GRIN2B: variants seen among roughly 807,000 people sequenced by gnomAD.
GRIN2B encodes the protein glutamate receptor ionotropic, NMDA 2B.
A neutral mutation model predicts 114.5 loss-of-function variants in GRIN2B; 5 were observed. The observed-to-expected ratio is 0.04, with a 90% CI of 0.02 to 0.09. GRIN2B has a LOEUF of 0.09. GRIN2B is among the 10% of genes least tolerant of loss of function. The probability of loss-of-function intolerance (pLI) is 1.00; values close to 1 mark genes in which losing one functional copy is unlikely to be tolerated. For synonymous variants in GRIN2B, 787 were observed against 745.1 expected (o/e 1.06, Z -0.92); for missense variants, 1,108 against 1,943.5 (o/e 0.57, Z 8.08).
At chr12:13,947,728 G>A (rs917030953) in intron 2 of GRIN2B, among the ~76,000 whole-genome samples, 2 of 152,168 alleles carry the variant, frequency 1.3e-5, no homozygotes, top group African/African-American at 2.4e-5. Flanking sequence ...ACCTTTGGCT[G>A]TGGCTCATTT....
At chr12:13,768,000 A>G (rs2136642934) in intron 3 of GRIN2B, among the ~76,000 whole-genome samples, 1 of 152,264 alleles carries the variant, frequency 6.6e-6, no homozygotes, top group African/African-American at 2.4e-5. Context: ...CTGTTCCTTC[A>G]CAGAAAGGCA....
intron 5 of GRIN2B, among the ~76,000 whole-genome samples, chr12:13,633,138 C>A (rs1805548): frequency 2.0e-5 from 3 of 152,164 alleles, no homozygotes; most frequent in African/African-American, 7.2e-5. Context: ...GGATCCTTGA[C>A]CTTGTAAGGC....
intron 5 of GRIN2B, among the ~76,000 whole-genome samples, chr12:13,658,367 T>C (rs1436750117): frequency 1.3e-5 from 2 of 152,144 alleles, no homozygotes; most frequent in African/African-American, 2.4e-5. Flanking sequence ...TTTTCCTTAA[T>C]GAACGACTGC....
intron 2 of GRIN2B, among the ~76,000 whole-genome samples, chr12:13,902,972 A>G (rs1454986223): frequency 6.6e-6 from 1 of 152,142 alleles, no homozygotes; most frequent in Non-Finnish European, 1.5e-5. Flanking sequence ...TTGTAAATCA[A>G]TATTGGTGAG....
chr12:13,970,782 T>C (rs537434174), intron 2 of GRIN2B, among the ~76,000 whole-genome samples: 3 of 151,878 alleles, frequency 2.0e-5, no homozygotes, highest in Non-Finnish European at 4.4e-5. Flanking sequence ...TCAGGAAAGA[T>C]CTTTCAAATC....
intron 2 of GRIN2B, among the ~76,000 whole-genome samples, chr12:13,956,711 C>T (rs1022126536): frequency 6.6e-6 from 1 of 152,202 alleles, no homozygotes; most frequent in Non-Finnish European, 1.5e-5. Context: ...CAGAACAAAA[C>T]TTCCATTTCC....
At chr12:13,802,003 C>A (rs1864525602) in intron 3 of GRIN2B, among the ~76,000 whole-genome samples, 1 of 152,018 alleles carries the variant, frequency 6.6e-6, no homozygotes, top group African/African-American at 2.4e-5. Flanking sequence ...CATTCACGCA[C>A]CCACCAGATG....
intron 8 of GRIN2B, among the ~76,000 whole-genome samples, chr12:13,612,119 T>G (rs549090684): frequency 6.6e-6 from 1 of 152,334 alleles, no homozygotes; most frequent in South Asian, 2.1e-4. Context: ...TGGACCAATA[T>G]CTGGGTATTT....
At position 13,611,861 on chromosome 12, in the gene GRIN2B, G is replaced by A. The variant is rs200892800; in HGVS notation, c.1655-11C>T. The A allele has an allele frequency of 1.2e-6, 2 of 1,612,280 alleles. No homozygotes were observed. The highest frequency in any genetic ancestry group is 1.7e-6 in the Non-Finnish European group (2 of 1,178,518). ...CAGCGCTGAATGGCTCTGAGGAAGG[G>A]AAAAAAGCAGTGCTCAGGGTTAGAA... On this transcript the variant is annotated splice_polypyrimidine_tract_variant and intron_variant, in intron 8 of 13. Coordinates refer to ENST00000609686, the MANE Select transcript of GRIN2B (RefSeq NM_000834.5).
intron 2 of GRIN2B, among the ~76,000 whole-genome samples, chr12:13,903,624 T>C (rs1379638667): frequency 1.3e-5 from 2 of 152,100 alleles, no homozygotes; most frequent in African/African-American, 4.8e-5. Context: ...AGATGTAATT[T>C]AAGTTTTGAT....
At chr12:13,651,412 G>A (rs1949810933) in intron 5 of GRIN2B, among the ~76,000 whole-genome samples, 2 of 151,990 alleles carry the variant, frequency 1.3e-5, no homozygotes, top group Admixed American at 6.6e-5. Flanking sequence ...AATTATTTTG[G>A]GAAAAGAAAC....
At chr12:13,979,457 G>A (rs1233296655) in intron 2 of GRIN2B, among the ~76,000 whole-genome samples, 1 of 150,494 alleles carries the variant, frequency 6.6e-6, no homozygotes, top group Non-Finnish European at 1.5e-5. Flanking sequence ...GCATAGAAAG[G>A]ATGCCTAGAA....
At chr12:13,884,905 A>G (rs1353324198) in intron 2 of GRIN2B, among the ~76,000 whole-genome samples, 1 of 152,208 alleles carries the variant, frequency 6.6e-6, no homozygotes, top group African/African-American at 2.4e-5. Context: ...TGGCTGCTCA[A>G]AAAGTAGAGA....
chr12:13,918,050 G>A (rs1866762254), intron 2 of GRIN2B, among the ~76,000 whole-genome samples: 1 of 151,988 alleles, frequency 6.6e-6, no homozygotes, highest in Non-Finnish European at 1.5e-5. Flanking sequence ...AACCAAGTAG[G>A]GCAGCACTGT....
chr12:13,819,485 C>T (rs1285768341), intron 3 of GRIN2B, among the ~76,000 whole-genome samples: 1 of 152,154 alleles, frequency 6.6e-6, no homozygotes, highest in Non-Finnish European at 1.5e-5. Context: ...TATAATAAAT[C>T]TCCACTTCTT....
chr12:13,616,338 A>C, intron 6 of GRIN2B, 117 bp downstream of exon 6: 1 of 759,228 alleles, frequency 1.3e-6, no homozygotes, highest in Non-Finnish European at 2.4e-6. Context: ...AAAAGCAACT[A>C]GAAATCAGAC....
rs553193204 is a variant in GRIN2B, at chr12:13,572,095, C to A, written c.2011-131G>T. The A allele has an allele frequency of 2.7e-5, 20 of 734,460 alleles. No homozygotes were observed. In the East Asian group the frequency reaches 5.1e-4, roughly 19 times the overall value. 45.5% of individuals were successfully genotyped at this position (734,460 alleles called of 1,614,324 possible). Reference sequence around the variant, plus strand: ...TGGATTTATAATGGAAGGGACCCAACTATAATTCACCGAATACATTAGCCC... The same window carrying A: ...TGGATTTATAATGGAAGGGACCCAAATATAATTCACCGAATACATTAGCCC... On this transcript the variant is annotated intron_variant, in intron 10 of 13. Transcript: ENST00000609686.
chr12:13,871,204 T>C (rs12319804), intron 2 of GRIN2B, among the ~76,000 whole-genome samples: 53,106 of 151,814 alleles, frequency 0.35, 9,510 homozygotes, highest in Middle Eastern at 0.39. Flanking sequence ...CCTAGAAATG[T>C]ATATAGAACA....
chr12:13,946,636 G>A (rs963380289), intron 2 of GRIN2B, among the ~76,000 whole-genome samples: 1 of 151,968 alleles, frequency 6.6e-6, no homozygotes, highest in Non-Finnish European at 1.5e-5. Context: ...TCTGGATTGA[G>A]ATAGTGTTAC....
Sources: gnomAD v4.1 joint callset for allele counts (sites outside exome capture counted in the v4.1 genomes callset) on GRCh38, gnomAD v4.1.1 for gene constraint, MANE v1.5 for transcripts, NCBI Gene and HGNC (gene_info 2026-07-23, HGNC 2026-07-21) for gene names.